NRXN3: variants seen among roughly 807,000 people sequenced by gnomAD.
NRXN3 encodes the protein neurexin 3.
Under a neutral mutation model 137.6 loss-of-function variants are expected in NRXN3, and 32 were observed. The ratio of observed to expected loss-of-function variants is 0.23; its 90% CI spans 0.18 to 0.31. The LOEUF (loss-of-function observed/expected upper bound fraction) is 0.31. Among genes scored for constraint, NRXN3 ranks in the 10% least tolerant of loss-of-function variants. The pLI is 1.00. For synonymous variants in NRXN3, 798 were observed against 784.5 expected (o/e 1.02, Z -0.29); for missense variants, 1,574 against 2,062.5 (o/e 0.76, Z 4.59).
intron 16 of NRXN3, among the ~76,000 whole-genome samples, chr14:79,489,168 G>A (rs2096686829): frequency 6.6e-6 from 1 of 152,094 alleles, no homozygotes; most frequent in Non-Finnish European, 1.5e-5. Context: ...CAATTTAGAA[G>A]CTGAGTTGTG....
chr14:79,626,828 C>T (rs1375083474), intron 16 of NRXN3, among the ~76,000 whole-genome samples: 1 of 152,070 alleles, frequency 6.6e-6, no homozygotes, highest in Non-Finnish European at 1.5e-5. Flanking sequence ...TTATTTCTAT[C>T]CCAATCATGT....
chr14:78,563,395 C>T (rs919842878), intron 4 of NRXN3, among the ~76,000 whole-genome samples: 3 of 152,090 alleles, frequency 2.0e-5, no homozygotes, highest in Non-Finnish European at 2.9e-5. Context: ...TGATGAAAAA[C>T]GTGGTTAATC....
At chr14:79,045,867 G>A (rs1389640036) in intron 15 of NRXN3, among the ~76,000 whole-genome samples, 1 of 152,068 alleles carries the variant, frequency 6.6e-6, no homozygotes, top group Admixed American at 6.5e-5. Context: ...TCTGAGGTGG[G>A]GCCTGAGAAT....
chr14:78,428,058 T>A (rs1471265430), intron 4 of NRXN3, among the ~76,000 whole-genome samples: 5 of 150,400 alleles, frequency 3.3e-5, no homozygotes, highest in Admixed American at 3.3e-4. Flanking sequence ...AGTTTTCTGA[T>A]TTGTTTAAAA....
At chr14:79,556,548 G>C (rs1427784360) in intron 16 of NRXN3, among the ~76,000 whole-genome samples, 1 of 151,798 alleles carries the variant, frequency 6.6e-6, no homozygotes, top group Non-Finnish European at 1.5e-5. Flanking sequence ...CTTTTTGTTT[G>C]CCTGTTTGTT....
intron 15 of NRXN3, among the ~76,000 whole-genome samples, chr14:79,354,308 A>G (rs1025943444): frequency 2.0e-5 from 3 of 152,196 alleles, no homozygotes; most frequent in Non-Finnish European, 4.4e-5. Context: ...ATATGGTATC[A>G]ATGATACTCA....
chr14:79,011,949 T>C (rs1159411924), intron 15 of NRXN3, among the ~76,000 whole-genome samples: 2 of 152,196 alleles, frequency 1.3e-5, no homozygotes, highest in African/African-American at 4.8e-5. Context: ...AACTGATCAG[T>C]CATTCTACAA....
chr14:78,434,576 C>T (rs1345865001), intron 4 of NRXN3, among the ~76,000 whole-genome samples: 4 of 152,240 alleles, frequency 2.6e-5, no homozygotes, highest in African/African-American at 9.6e-5. Context: ...ATAATCATAA[C>T]AGTCACATCT....
At chr14:79,820,051 T>C (rs2242643) in intron 20 of NRXN3, among the ~76,000 whole-genome samples, 84,032 of 151,794 alleles carry the variant, frequency 0.55, 23,326 homozygotes, top group South Asian at 0.64. Flanking sequence ...CTGTGTCATA[T>C]CCCAGTAATT....
chr14:79,645,596 C>T lies in NRXN3; in HGVS notation c.3445-18182C>T, dbSNP rs1199234027. ...CGCCACTGCACTCCAGCTTGGGTGA[C>T]AGAATGAGACTCTGTCTCAAAAAAA... is the stretch of plus-strand genomic sequence containing the variant. On this transcript the variant is annotated intron_variant, in intron 16 of 20. Transcript: ENST00000335750. 1.3e-4 allele frequency among the ~76,000 whole-genome samples: 16 copies of T among 119,112 alleles called. No homozygotes were observed. In the East Asian group the frequency reaches 2.3e-3, roughly 17 times the overall value. 78.1% of individuals were successfully genotyped at this position (119,112 alleles called of 152,430 possible).
intron 16 of NRXN3, among the ~76,000 whole-genome samples, chr14:79,526,512 T>C (rs930357437): frequency 6.6e-6 from 1 of 152,196 alleles, no homozygotes; most frequent in Admixed American, 6.5e-5. Flanking sequence ...CCTCATCTAG[T>C]CCTAAGAAGT....
At chr14:79,072,996 C>A (rs1412831189) in intron 15 of NRXN3, among the ~76,000 whole-genome samples, 5 of 151,170 alleles carry the variant, frequency 3.3e-5, no homozygotes, top group Non-Finnish European at 1.5e-5. Flanking sequence ...AAGTGATTTT[C>A]CTGCCTCAGC....
chr14:79,061,951 G>A (rs1241621850), intron 15 of NRXN3, among the ~76,000 whole-genome samples: 1 of 152,146 alleles, frequency 6.6e-6, no homozygotes, highest in Non-Finnish European at 1.5e-5. Context: ...TCCACTTTCT[G>A]AGTTTTCTCT....
At chr14:79,446,725 A>G (rs1426819432) in intron 15 of NRXN3, among the ~76,000 whole-genome samples, 2 of 152,138 alleles carry the variant, frequency 1.3e-5, no homozygotes, top group Non-Finnish European at 2.9e-5. Context: ...TACTTTAAAG[A>G]TAACTTCTTC....
At chr14:79,045,805 GA>G (rs1568100835) in intron 15 of NRXN3, among the ~76,000 whole-genome samples, 1 of 152,170 alleles carries the variant, frequency 6.6e-6, no homozygotes, top group African/African-American at 2.4e-5. Context: ...GCCAGTGATT[GA>G]TAATGCCTCG....
At chr14:79,098,088 G>A (rs370164830) in intron 15 of NRXN3, among the ~76,000 whole-genome samples, 2 of 152,116 alleles carry the variant, frequency 1.3e-5, no homozygotes, top group African/African-American at 4.8e-5. Context: ...CAAGCCCTTT[G>A]AAAAGTCACT....
intron 15 of NRXN3, among the ~76,000 whole-genome samples, chr14:79,124,712 G>A (rs898020861): frequency 6.6e-6 from 1 of 152,118 alleles, no homozygotes; most frequent in Non-Finnish European, 1.5e-5. Context: ...CTGTCTGGAG[G>A]GAAATTTCCA....
intron 16 of NRXN3, chr14:79,633,304 C>T (rs925262059): frequency 3.3e-5 from 5 of 152,130 alleles, no homozygotes; most frequent in African/African-American, 1.2e-4. Flanking sequence ...ATCTTTATTT[C>T]CTATCAAATG....
At chr14:79,257,391 G>GTGGTGA (rs2076761349) in intron 15 of NRXN3, among the ~76,000 whole-genome samples, 1 of 72,288 alleles carries the variant, frequency 1.4e-5, no homozygotes, top group Non-Finnish European at 2.8e-5. Context: ...GGTGGTGATG[G>GTGGTGA]TGGTGGTGGT....
Sources: gnomAD v4.1 joint callset for allele counts (sites outside exome capture counted in the v4.1 genomes callset) on GRCh38, gnomAD v4.1.1 for gene constraint, MANE v1.5 for transcripts, NCBI Gene and HGNC (gene_info 2026-07-23, HGNC 2026-07-21) for gene names.